Variants in NF1 observed in about 807,000 individuals in gnomAD.
NF1 encodes neurofibromin 1, also known as neurofibromin.
NF1 carries 122 observed loss-of-function variants against 325.7 expected under a neutral mutation model. The observed-to-expected ratio is 0.37, with a 90% confidence interval of 0.32 to 0.44. The LOEUF (loss-of-function observed/expected upper bound fraction) is 0.44. Ranked by LOEUF, NF1 falls within the 20% of genes least tolerant of loss-of-function variation. The pLI, the probability that NF1 is intolerant of heterozygous loss-of-function variation, is 1.00. For missense variants in NF1, 2,140 were observed against 3,415.4 expected (o/e 0.63, Z 9.31); for synonymous variants, 1,091 against 1,186.0 (o/e 0.92, Z 1.65).
At chr17:31,170,167 T>C (rs1199926880) in intron 5 of NF1, among the ~76,000 whole-genome samples, 170 bp downstream of exon 5, 2 of 152,216 alleles carry the variant, frequency 1.3e-5, no homozygotes, top group Non-Finnish European at 2.9e-5. Context: ...TTTTCAATCT[T>C]TGAAAATAAT....
chr17:31,235,533 T>C (rs1424250863), intron 27 of NF1, 78 bp from the exon 28 acceptor site: 1 of 1,545,760 alleles, frequency 6.5e-7, no homozygotes, highest in African/African-American at 1.4e-5. Flanking sequence ...TGGGTTTACA[T>C]TTTTGCTACT....
intron 8 of NF1, among the ~76,000 whole-genome samples, chr17:31,191,300 A>T (rs2066337988): frequency 6.6e-6 from 1 of 152,200 alleles, no homozygotes; most frequent in Admixed American, 6.5e-5. Context: ...AAAAAATCAC[A>T]CAAAGGCATA....
At chr17:31,208,613 G>A (rs192635180) in intron 12 of NF1, among the ~76,000 whole-genome samples, 11 of 152,082 alleles carry the variant, frequency 7.2e-5, no homozygotes, top group Non-Finnish European at 1.3e-4. Flanking sequence ...ACTCAACACC[G>A]GACACGGTGG....
chr17:31,256,943 A>G (rs2067593060), intron 31 of NF1, among the ~76,000 whole-genome samples: 1 of 152,170 alleles, frequency 6.6e-6, no homozygotes, highest in Non-Finnish European at 1.5e-5. Context: ...TCTAAAATCT[A>G]GTTTTTACTA....
intron 8 of NF1, among the ~76,000 whole-genome samples, chr17:31,198,421 TTAA>T (rs945121249): frequency 3.3e-5 from 5 of 152,220 alleles, no homozygotes; most frequent in African/African-American, 1.2e-4. Flanking sequence ...TGATTACTGA[TTAA>T]TCCCTTTACT....
chr17:31,224,556 T>G (rs1358420103), intron 16 of NF1, among the ~76,000 whole-genome samples: 1 of 152,170 alleles, frequency 6.6e-6, no homozygotes, highest in African/African-American at 2.4e-5. Context: ...ACTTCAGACT[T>G]TCATGGCCTC....
intron 36 of NF1, chr17:31,304,651 C>T (rs1208445586): frequency 1.2e-6 from 2 of 1,614,170 alleles, no homozygotes; most frequent in South Asian, 2.2e-5. Context: ...ACCATCAGCA[C>T]TATCTTCTGA....
rs112966582 is a variant in NF1, at chr17:31,334,634, T to A, written c.5813-204T>A. On this transcript the variant is annotated intron_variant, in intron 39 of 57. Transcript: ENST00000358273. ...AAGACAAAACTTTTCAAAAATTGGC[T>A]TACTGGCTTTTAAAATTACTTTCTT... 6.4e-4 allele frequency: 333 copies of A among 524,002 alleles called. 4 individuals carry two copies. The highest frequency in any genetic ancestry group is 5.8e-3 in the African/African-American group (303 of 52,218). 32.5% of individuals were successfully genotyped at this position (524,002 alleles called of 1,614,324 possible).
In NF1 at chr17:31,229,894, C is replaced by G. The variant is rs2151430641; in HGVS notation, c.2910C>G (p.Asn970Lys). ...AACAAACCATAGCTATAATGAAGAA[C>G]TTGCTAGATAATCATACTGAAGGCA... The part of the protein sequence containing the change: ...FVEQTIAIMK[N>K]LLDNHTEGSS... Residue 970 changes from asparagine (N) to lysine (K), a missense_variant, in exon 22 of 58, where the codon AAC becomes AAG. Asn to Lys is a moderately conservative substitution (Grantham distance 94, BLOSUM62 0). Around this residue, in one of 10 missense-constraint regions of NF1, gnomAD observed 380 missense variants for 639.3 expected, o/e 0.59. Transcript: ENST00000358273. 1 of 1,611,794 alleles carries G rather than the reference C, an allele frequency of 6.2e-7. No homozygotes were observed. Among genetic ancestry groups the G allele is most frequent in the Non-Finnish European group, 8.5e-7 (1 of 1,179,712 alleles).
Position 31,182,559 on chromosome 17 carries a change from A to G in NF1, c.782A>G (p.Lys261Arg), listed in dbSNP as rs2066156863. ...DLVDGFAESTKRKAAVWPLQI... is the reference protein window; with the variant it reads ...DLVDGFAESTRRKAAVWPLQI... Reference sequence around the variant, plus strand: ...GTGGATGGTTTTGCTGAAAGCACCAAACGTAAAGCAGCAGTTTGGCCACTA... The same window carrying G: ...GTGGATGGTTTTGCTGAAAGCACCAGACGTAAAGCAGCAGTTTGGCCACTA... The change falls in exon 8 of 58, where the codon AAA (lysine) becomes AGA (arginine). Residue 261 changes from lysine (K) to arginine (R), a missense_variant. This residue lies in a region of NF1 where 246 missense variants were observed against 347.8 expected (regional missense o/e 0.71). Transcript: ENST00000358273. 4 of 1,613,996 alleles carry G rather than the reference A, an allele frequency of 2.5e-6. No individual in the cohort carries two copies. Among genetic ancestry groups the G allele is most frequent in the Non-Finnish European group, 3.4e-6 (4 of 1,179,968 alleles).
At chr17:31,235,590 C>G (rs1355706500) in intron 27 of NF1, 21 bp from the exon 28 acceptor site, 1 of 1,613,486 alleles carries the variant, frequency 6.2e-7, no homozygotes, top group Non-Finnish European at 8.5e-7. Context: ...TTGCACTAAC[C>G]TGATTTTGTT....
Position 31,174,885 on chromosome 17 carries a change from C to T in NF1, c.586+4888C>T, listed in dbSNP as rs895805288. 3.3e-5 allele frequency among the ~76,000 whole-genome samples: 5 copies of T among 151,952 alleles called. No individual in the cohort carries two copies. In the East Asian group the frequency reaches 5.8e-4, roughly 18 times the overall value. ...CAGCACTTTGGGAGGCCTACGTGGGCGGATCATGAGGTCAGGAGTTCGAGA... is the reference window on the plus strand; with the variant it reads ...CAGCACTTTGGGAGGCCTACGTGGGTGGATCATGAGGTCAGGAGTTCGAGA... On this transcript the variant is annotated intron_variant, in intron 5 of 57. Transcript: ENST00000358273.
At chr17:31,266,735 C>A (rs567548205) in intron 36 of NF1, among the ~76,000 whole-genome samples, 1 of 95,394 alleles carries the variant, frequency 1.0e-5, no homozygotes. Flanking sequence ...AACAAAGCTG[C>A]GTTTTTTTTT....
intron 15 of NF1, chr17:31,222,402 C>G (rs1382775126): frequency 9.7e-7 from 1 of 1,034,310 alleles, no homozygotes; most frequent in Non-Finnish European, 1.2e-6. Flanking sequence ...ATTTTGTGGT[C>G]TGCTTCCTAG....
intron 39 of NF1, chr17:31,330,727 A>G: frequency 3.6e-6 from 2 of 552,068 alleles, no homozygotes; most frequent in Non-Finnish European, 6.4e-6. Flanking sequence ...CAAAGCGGCA[A>G]GAGTTTGGTA....
At chr17:31,277,913 C>G (rs535811221) in intron 36 of NF1, among the ~76,000 whole-genome samples, 2 of 152,284 alleles carry the variant, frequency 1.3e-5, no homozygotes, top group African/African-American at 4.8e-5. Context: ...TTTGAATTTG[C>G]CACCTGTTTC....
intron 36 of NF1, among the ~76,000 whole-genome samples, chr17:31,289,935 T>C (rs1412434259): frequency 6.6e-6 from 1 of 152,178 alleles, no homozygotes; most frequent in Non-Finnish European, 1.5e-5. Flanking sequence ...CTTGCTATTT[T>C]AATAGTGAAA....
At chr17:31,237,461 G>A (rs2067223005) in intron 29 of NF1, among the ~76,000 whole-genome samples, 3 of 152,120 alleles carry the variant, frequency 2.0e-5, no homozygotes, top group South Asian at 4.2e-4. Flanking sequence ...TATTTTGGTA[G>A]AGACGAGGTT....
chr17:31,318,328 T>C (rs2069078730), intron 36 of NF1: 1 of 1,609,756 alleles, frequency 6.2e-7, no homozygotes, highest in Non-Finnish European at 8.5e-7. Context: ...GTTAGTAAGT[T>C]TTTCAGTTCC....
Sources: allele counts gnomAD v4.1 joint callset (sites outside exome capture counted in the v4.1 genomes callset), GRCh38; gene constraint gnomAD v4.1.1; regional missense constraint gnomAD v4.1.1; transcripts MANE v1.5; gene names NCBI Gene and HGNC (gene_info 2026-07-23, HGNC 2026-07-21).